RUFY3: variants seen among roughly 807,000 people sequenced by gnomAD.
RUFY3 encodes RUN and FYVE domain containing 3.
RUFY3 carries 34 observed loss-of-function variants against 84.0 expected under a neutral mutation model. The observed-to-expected ratio is 0.40, with a 90% CI of 0.31 to 0.54. The LOEUF is 0.54. Ranked by LOEUF, RUFY3 falls within the 20% of genes least tolerant of loss-of-function variation. The pLI is 0.39. For synonymous variants in RUFY3, 242 were observed against 252.9 expected (o/e 0.96, Z 0.41); for missense variants, 507 against 736.8 (o/e 0.69, Z 3.61).
intron 1 of RUFY3, among the ~76,000 whole-genome samples, chr4:70,731,371 T>G (rs1335873021): frequency 6.6e-6 from 1 of 152,104 alleles, no homozygotes; most frequent in Non-Finnish European, 1.5e-5. Context: ...GAGACTGAGT[T>G]TTTTGTCCAC....
At chr4:70,762,272 G>A (rs1725163458) in intron 1 of RUFY3, among the ~76,000 whole-genome samples, 1 of 152,112 alleles carries the variant, frequency 6.6e-6, no homozygotes, top group Non-Finnish European at 1.5e-5. Context: ...CTATGATCAT[G>A]CCACTGCATT....
intron 14 of RUFY3, among the ~76,000 whole-genome samples, chr4:70,795,362 G>T (rs1420292593): frequency 6.6e-6 from 1 of 151,980 alleles, no homozygotes; most frequent in Non-Finnish European, 1.5e-5. Flanking sequence ...ACTTCTCGTG[G>T]GAATAATTAG....
At chr4:70,719,505 C>A (rs759776979), upstream of RUFY3, among the ~76,000 whole-genome samples, 6 of 152,148 alleles carry the variant, frequency 3.9e-5, no homozygotes, top group African/African-American at 1.4e-4. Flanking sequence ...ACATGGCATT[C>A]GGATTTATTC....
At chr4:70,705,187 A>C (rs1415961915) in exon 1 of RUFY3, 9 of 1,460,706 alleles carry the variant, frequency 6.2e-6, no homozygotes, top group Non-Finnish European at 7.2e-6. Context: ...CCGCCGCCGC[A>C]GCAGCAGCGC....
chr4:70,753,945 T>C (rs1208571800), intron 1 of RUFY3, among the ~76,000 whole-genome samples: 1 of 152,188 alleles, frequency 6.6e-6, no homozygotes, highest in Non-Finnish European at 1.5e-5. Flanking sequence ...CATGGATGAG[T>C]ATATTAATCC....
intron 10 of RUFY3, 52 bp downstream of exon 10, chr4:70,784,931 C>T (rs780488080): frequency 7.8e-7 from 1 of 1,290,194 alleles, no homozygotes; most frequent in Non-Finnish European, 1.1e-6. Flanking sequence ...AAGGTAACTG[C>T]CCACTTAGAG....
At chr4:70,705,270 G>A in exon 1 of RUFY3, 1 of 1,433,828 alleles carries the variant, frequency 7.0e-7, no homozygotes, top group Non-Finnish European at 9.1e-7. Flanking sequence ...CGGCGGCGGC[G>A]GCAGCAGCGG....
intron 12 of RUFY3, 126 bp from the exon 13 acceptor site, chr4:70,793,658 GT>G: frequency 1.9e-6 from 3 of 1,557,620 alleles, no homozygotes; most frequent in Non-Finnish European, 2.6e-6. Flanking sequence ...GTCCTGCAAA[GT>G]TTTTTTCCTC....
intron 12 of RUFY3, chr4:70,793,400 CA>C (rs758547565): frequency 3.6e-5 from 38 of 1,057,512 alleles, no homozygotes; most frequent in Non-Finnish European, 4.2e-5. Flanking sequence ...AATTAAGTAC[CA>C]AACCTATTAG....
intron 1 of RUFY3, among the ~76,000 whole-genome samples, chr4:70,731,886 G>A (rs570306761): frequency 7.9e-5 from 12 of 152,166 alleles, no homozygotes; most frequent in Non-Finnish European, 1.8e-4. Context: ...GTTTGTGATA[G>A]CAGTAATGTT....
intron 1 of RUFY3, among the ~76,000 whole-genome samples, chr4:70,759,623 A>G (rs1249581187): frequency 6.6e-6 from 1 of 152,178 alleles, no homozygotes; most frequent in Non-Finnish European, 1.5e-5. Context: ...AGGCTATACT[A>G]ATTGACATTC....
intron 1 of RUFY3, among the ~76,000 whole-genome samples, chr4:70,749,306 T>C (rs1052036487): frequency 2.7e-4 from 41 of 152,264 alleles, no homozygotes; most frequent in African/African-American, 9.4e-4. Flanking sequence ...CTGGGAAACT[T>C]TCCAAAACTA....
At position 70,784,879 on chromosome 4, in the gene RUFY3, G is replaced by A; in HGVS notation, c.1071G>A (p.Leu357=). The A allele has an allele frequency of 1.3e-6, 2 of 1,589,056 alleles. No homozygotes were observed. Among genetic ancestry groups the A allele is most frequent in the Non-Finnish European group, 1.7e-6 (2 of 1,167,004 alleles). ...TAAAAGAAGAGACACAATTACGATT[G>A]GTAAACTATGCTTAATTTCTAATAG... is the stretch of plus-strand genomic sequence containing the variant. The part of the protein sequence containing the change: ...KHLKEETQLR[L]DVEKELEMQI... The change falls in exon 10 of 18, where the codon TTG becomes TTA. Residue 357 remains leucine, a splice_region_variant and synonymous_variant. Transcript: ENST00000381006.
upstream of RUFY3, chr4:70,703,813 A>G (rs1391101083): frequency 1.3e-5 from 2 of 152,256 alleles, no homozygotes; most frequent in African/African-American, 2.4e-5. Flanking sequence ...AACTTCCTCT[A>G]CACAGGGAAG....
chr4:70,786,646 C>T (rs750897745), intron 10 of RUFY3, among the ~76,000 whole-genome samples: 2 of 152,028 alleles, frequency 1.3e-5, no homozygotes, highest in African/African-American at 2.4e-5. Context: ...ATCAAAACAT[C>T]ATGTTCTATA....
At chr4:70,759,405 C>T (rs984581553) in intron 1 of RUFY3, among the ~76,000 whole-genome samples, 2 of 146,966 alleles carry the variant, frequency 1.4e-5, no homozygotes, top group Admixed American at 6.8e-5. Flanking sequence ...TGTGTGTATA[C>T]CACATTTCTT....
chr4:70,712,261 C>T (rs955357553), intron 1 of RUFY3, among the ~76,000 whole-genome samples: 2 of 152,064 alleles, frequency 1.3e-5, no homozygotes, highest in Non-Finnish European at 2.9e-5. Flanking sequence ...TTTTGTGTGC[C>T]GTGCAGAGAG....
At chr4:70,749,209 G>T (rs1162629953) in intron 1 of RUFY3, among the ~76,000 whole-genome samples, 1 of 152,072 alleles carries the variant, frequency 6.6e-6, no homozygotes, top group Non-Finnish European at 1.5e-5. Context: ...AACAACGAAG[G>T]TTTGTCCTAA....
intron 1 of RUFY3, among the ~76,000 whole-genome samples, chr4:70,759,103 T>C (rs958337915): frequency 6.6e-6 from 1 of 152,062 alleles, no homozygotes; most frequent in African/African-American, 2.4e-5. Context: ...AACTTACTCA[T>C]CTTATCTAGT....
Sources: allele counts gnomAD v4.1 joint callset (sites outside exome capture counted in the v4.1 genomes callset), GRCh38; gene constraint gnomAD v4.1.1; transcripts MANE v1.5; gene names NCBI Gene and HGNC (gene_info 2026-07-23, HGNC 2026-07-21).